Variants in DLG2 observed in about 807,000 individuals in gnomAD.
DLG2 encodes discs large MAGUK scaffold protein 2.
In DLG2, 45 loss-of-function variants were observed where a neutral mutation model predicts 132.5. That is an observed-to-expected ratio of 0.34 (90% CI 0.27 to 0.44). The LOEUF (loss-of-function observed/expected upper bound fraction) is 0.44, where lower values mean the gene tolerates loss of function less well. Ranked by LOEUF, DLG2 falls within the 20% of genes least tolerant of loss-of-function variation. DLG2 has a pLI of 1.00. For missense variants in DLG2, 1,045 were observed against 1,196.9 expected (o/e 0.87, Z 1.87); for synonymous variants, 424 against 419.6 (o/e 1.01, Z -0.13).
intron 8 of DLG2, among the ~76,000 whole-genome samples, chr11:84,175,604 T>C (rs1396936639): frequency 2.0e-5 from 3 of 152,134 alleles, no homozygotes; most frequent in Non-Finnish European, 4.4e-5. Context: ...TCAAGATCAA[T>C]TCATCAATCA....
At chr11:85,285,145 C>A in intron 4 of DLG2, 75 bp downstream of exon 4, 1 of 1,281,380 alleles carries the variant, frequency 7.8e-7, no homozygotes, top group Non-Finnish European at 1.1e-6. Context: ...ATAATAATCA[C>A]CACTACTACC....
intron 7 of DLG2, among the ~76,000 whole-genome samples, chr11:84,419,967 T>G (rs761059877): frequency 4.1e-4 from 62 of 152,176 alleles, no homozygotes; most frequent in Non-Finnish European, 7.6e-4. Context: ...AACCTTTTCC[T>G]ACACTCAGCA....
chr11:84,017,381 C>T (rs1394540845), intron 11 of DLG2, among the ~76,000 whole-genome samples: 1 of 151,922 alleles, frequency 6.6e-6, no homozygotes, highest in Non-Finnish European at 1.5e-5. Context: ...TTAAATCAGT[C>T]ACAATTGGAA....
intron 6 of DLG2, among the ~76,000 whole-genome samples, chr11:84,836,679 C>A (rs899404886): frequency 6.6e-6 from 1 of 151,792 alleles, no homozygotes; most frequent in Admixed American, 6.6e-5. Context: ...ACCTGCCTCA[C>A]CTTTATACAG....
chr11:84,526,802 G>A (rs986487788), intron 7 of DLG2, among the ~76,000 whole-genome samples: 1 of 133,332 alleles, frequency 7.5e-6, no homozygotes, highest in Non-Finnish European at 1.6e-5. Context: ...TTTTTGAGAC[G>A]GAGTCTTGCT....
intron 19 of DLG2, among the ~76,000 whole-genome samples, chr11:83,575,524 G>T (rs2096860708): frequency 6.6e-6 from 1 of 152,144 alleles, no homozygotes; most frequent in Non-Finnish European, 1.5e-5. Flanking sequence ...GTACTGATTG[G>T]CATCTGTGTG....
chr11:83,724,607 G>T (rs1455083013), intron 18 of DLG2, among the ~76,000 whole-genome samples: 1 of 151,938 alleles, frequency 6.6e-6, no homozygotes, highest in Admixed American at 6.6e-5. Flanking sequence ...TTCTGAGGTT[G>T]CATTTAGTTG....
chr11:84,747,600 T>C (rs1353123737), intron 6 of DLG2, among the ~76,000 whole-genome samples: 2 of 152,196 alleles, frequency 1.3e-5, no homozygotes, highest in Non-Finnish European at 2.9e-5. Flanking sequence ...TAAAATGACA[T>C]AATATGAAAA....
chr11:84,769,793 C>T (rs1363137203), intron 6 of DLG2, among the ~76,000 whole-genome samples: 2 of 152,188 alleles, frequency 1.3e-5, no homozygotes, highest in Non-Finnish European at 2.9e-5. Flanking sequence ...TCACCAGAAA[C>T]CTTATAAGCC....
chr11:85,608,108 C>A (rs1013871466), intron 2 of DLG2, among the ~76,000 whole-genome samples: 10 of 152,146 alleles, frequency 6.6e-5, no homozygotes, highest in Non-Finnish European at 1.0e-4. Context: ...AGTGTTTCTG[C>A]TGCTGTGGCG....
chr11:84,268,931 G>A (rs1329100197), intron 7 of DLG2, among the ~76,000 whole-genome samples: 2 of 152,136 alleles, frequency 1.3e-5, no homozygotes, highest in Admixed American at 6.5e-5. Flanking sequence ...CCCAGGGTGT[G>A]GCAAGCAGGA....
chr11:83,498,918 C>T (rs2094302135), intron 21 of DLG2, among the ~76,000 whole-genome samples: 1 of 151,738 alleles, frequency 6.6e-6, no homozygotes, highest in South Asian at 2.1e-4. Flanking sequence ...AAAGGGAATA[C>T]TATGAACAAT....
chr11:83,558,865 G>GTGTT (rs970115036), intron 19 of DLG2, among the ~76,000 whole-genome samples: 1 of 147,824 alleles, frequency 6.8e-6, no homozygotes, highest in African/African-American at 2.7e-5. Flanking sequence ...GTGTGTGTGT[G>GTGTT]TGTGTGTGTG....
chr11:83,862,131 C>T (rs2061555456), intron 16 of DLG2, among the ~76,000 whole-genome samples: 2 of 152,162 alleles, frequency 1.3e-5, no homozygotes, highest in South Asian at 4.1e-4. Flanking sequence ...TCAAAGATAT[C>T]TGTGCTCCCA....
chr11:83,720,624 A>G (rs1275222698), intron 18 of DLG2, among the ~76,000 whole-genome samples: 1 of 152,128 alleles, frequency 6.6e-6, no homozygotes, highest in African/African-American at 2.4e-5. Context: ...TAACCACCAC[A>G]CTGTAAATAC....
intron 7 of DLG2, among the ~76,000 whole-genome samples, chr11:84,271,254 A>T (rs2097718336): frequency 6.6e-6 from 1 of 152,186 alleles, no homozygotes; most frequent in African/African-American, 2.4e-5. Context: ...ATATGTTCTG[A>T]AAAGATTTAG....
chr11:83,746,362 T>G (rs1391477428), intron 18 of DLG2, among the ~76,000 whole-genome samples: 1 of 152,124 alleles, frequency 6.6e-6, no homozygotes, highest in Non-Finnish European at 1.5e-5. Context: ...ATTAGGAAAA[T>G]GTGGCACATA....
intron 4 of DLG2, among the ~76,000 whole-genome samples, chr11:85,248,634 G>A (rs935513744): frequency 2.0e-5 from 3 of 151,982 alleles, no homozygotes; most frequent in Non-Finnish European, 4.4e-5. Flanking sequence ...AAAATTCCTA[G>A]TGAAAATATT....
chr11:84,684,196 A>C (rs1431487611), intron 6 of DLG2, among the ~76,000 whole-genome samples: 1 of 152,180 alleles, frequency 6.6e-6, no homozygotes, highest in African/African-American at 2.4e-5. Context: ...AATGTATTGA[A>C]AGATCTGAAA....
Sources: allele counts gnomAD v4.1 joint callset (sites outside exome capture counted in the v4.1 genomes callset), GRCh38; gene constraint gnomAD v4.1.1; transcripts MANE v1.5; gene names NCBI Gene and HGNC (gene_info 2026-07-23, HGNC 2026-07-21).